AFF3: variants seen among roughly 807,000 people sequenced by gnomAD.
AFF3 encodes ALF transcription elongation factor 3, also known as AF4/FMR2 family member 3.
AFF3 carries 32 observed loss-of-function variants against 129.7 expected under a neutral mutation model. The ratio of observed to expected loss-of-function variants is 0.25; its 90% CI spans 0.19 to 0.33. The LOEUF is 0.33. AFF3 is among the 10% of genes least tolerant of loss of function. The probability of loss-of-function intolerance (pLI) is 1.00; values close to 1 mark genes in which losing one functional copy is unlikely to be tolerated. For synonymous variants in AFF3, 644 were observed against 635.4 expected (o/e 1.01, Z -0.20); for missense variants, 1,373 against 1,592.0 (o/e 0.86, Z 2.34).
intron 11 of AFF3, among the ~76,000 whole-genome samples, chr2:99,680,994 T>C (rs34662503): frequency 0.17 from 26,189 of 152,238 alleles, 2,727 homozygotes; most frequent in South Asian, 0.26. Flanking sequence ...AAATTATTGA[T>C]GCCCAGCTCC....
At chr2:99,804,705 T>C (rs941095511) in intron 8 of AFF3, among the ~76,000 whole-genome samples, 2 of 151,950 alleles carry the variant, frequency 1.3e-5, no homozygotes, top group Non-Finnish European at 2.9e-5. Flanking sequence ...AACTGATGAG[T>C]GGATAAAGAA....
At chr2:99,992,359 T>C (rs1277552457) in intron 7 of AFF3, among the ~76,000 whole-genome samples, 1 of 152,190 alleles carries the variant, frequency 6.6e-6, no homozygotes, top group African/African-American at 2.4e-5. Flanking sequence ...TTAATCCATT[T>C]CAGGCTTAAC....
intron 7 of AFF3, among the ~76,000 whole-genome samples, chr2:100,003,717 T>A (rs181433221): frequency 2.6e-5 from 4 of 152,132 alleles, no homozygotes; most frequent in Admixed American, 2.6e-4. Flanking sequence ...AGGGTGCAGA[T>A]GTTGTAAGGG....
At chr2:100,094,281 C>T (rs1690105995) in intron 4 of AFF3, among the ~76,000 whole-genome samples, 1 of 151,982 alleles carries the variant, frequency 6.6e-6, no homozygotes, top group African/African-American at 2.4e-5. Flanking sequence ...TTATACAACT[C>T]ACCATAATGT....
At chr2:99,618,475 A>G (rs1449443663) in intron 13 of AFF3, among the ~76,000 whole-genome samples, 2 of 152,018 alleles carry the variant, frequency 1.3e-5, no homozygotes, top group Non-Finnish European at 2.9e-5. Context: ...ACCTCAGGTG[A>G]TCTGCCTGCC....
chr2:99,578,578 GA>G, intron 17 of AFF3, 127 bp from the exon 18 acceptor site: 1 of 1,393,194 alleles, frequency 7.2e-7, no homozygotes, highest in Admixed American at 2.8e-5. Flanking sequence ...TATTAGAATT[GA>G]TGGTGATTTT....
At chr2:100,115,833 T>G (rs1691714138) in intron 2 of AFF3, among the ~76,000 whole-genome samples, 1 of 152,198 alleles carries the variant, frequency 6.6e-6, no homozygotes, top group Non-Finnish European at 1.5e-5. Flanking sequence ...ATGTTTATAA[T>G]TGAAGGGTAT....
At chr2:99,829,055 A>C (rs1158395033) in intron 8 of AFF3, among the ~76,000 whole-genome samples, 1 of 152,220 alleles carries the variant, frequency 6.6e-6, no homozygotes, top group Non-Finnish European at 1.5e-5. Context: ...GCTAATTTTG[A>C]TATAAACAAG....
intron 4 of AFF3, among the ~76,000 whole-genome samples, chr2:100,054,746 A>G (rs937184515): frequency 1.3e-5 from 2 of 152,162 alleles, no homozygotes; most frequent in African/African-American, 4.8e-5. Flanking sequence ...TACAATCCCC[A>G]AAGATGAACT....
intron 13 of AFF3, among the ~76,000 whole-genome samples, chr2:99,626,407 C>T (rs1682561017): frequency 1.6e-5 from 2 of 127,456 alleles, no homozygotes; most frequent in Non-Finnish European, 3.3e-5. Flanking sequence ...CCCTTCCCTT[C>T]CCTCCCCTCC....
At chr2:100,020,152 A>T (rs1386320414) in intron 4 of AFF3, among the ~76,000 whole-genome samples, 3 of 151,960 alleles carry the variant, frequency 2.0e-5, no homozygotes, top group African/African-American at 7.3e-5. Flanking sequence ...GCCAGGCTTC[A>T]ACTTCCTCAT....
In AFF3 at chr2:99,700,930, T is replaced by C. The variant is rs181854768; in HGVS notation, c.1091+26147A>G. Among the ~76,000 whole-genome samples, 794 of 152,278 alleles carry C rather than the reference T, an allele frequency of 5.2e-3. 4 individuals carry two copies. The highest frequency in any genetic ancestry group is 9.3e-3 in the Non-Finnish European group (635 of 68,022). ...CCTCCTCGGAGTGAGCGTGAGACGGTCACGTGTACTCAGGGATTGAGGAGG... is the reference window on the plus strand; with the variant it reads ...CCTCCTCGGAGTGAGCGTGAGACGGCCACGTGTACTCAGGGATTGAGGAGG... On this transcript the variant is annotated intron_variant, in intron 11 of 24. Transcript: ENST00000672756.
At chr2:99,589,397 A>ATTTTTTT (rs55888825) in intron 15 of AFF3, among the ~76,000 whole-genome samples, 7 of 103,380 alleles carry the variant, frequency 6.8e-5, no homozygotes, top group Non-Finnish European at 7.4e-5. Flanking sequence ...AGATGTCAAC[A>ATTTTTTT]TTTTTTTTTT....
chr2:99,964,111 C>G (rs1442663683), intron 7 of AFF3, among the ~76,000 whole-genome samples: 2 of 151,894 alleles, frequency 1.3e-5, no homozygotes, highest in African/African-American at 2.4e-5. Context: ...AACAGGGCCT[C>G]AAAAATTGAT....
At chr2:99,601,287 G>A (rs1679800877) in intron 14 of AFF3, 148 bp downstream of exon 14, 2 of 927,808 alleles carry the variant, frequency 2.2e-6, no homozygotes, top group East Asian at 6.3e-5. Context: ...GGAGCCCGAA[G>A]CCCATAGCCT....
intron 7 of AFF3, among the ~76,000 whole-genome samples, chr2:99,953,805 G>A (rs538641502): frequency 1.1e-4 from 17 of 152,196 alleles, no homozygotes; most frequent in South Asian, 2.1e-4. Flanking sequence ...CATGAGGGAC[G>A]GTGAGGGATG....
At chr2:100,068,674 A>G (rs905457551) in intron 4 of AFF3, among the ~76,000 whole-genome samples, 3 of 152,244 alleles carry the variant, frequency 2.0e-5, no homozygotes, top group Non-Finnish European at 4.4e-5. Flanking sequence ...CCTCATCCAT[A>G]GCAAGGAACA....
intron 7 of AFF3, among the ~76,000 whole-genome samples, chr2:99,857,131 ATTTAT>A (rs1690588498): frequency 6.6e-6 from 1 of 152,144 alleles, no homozygotes; most frequent in African/African-American, 2.4e-5. Flanking sequence ...TCAAATGAAT[ATTTAT>A]TTTCTTACAG....
intron 7 of AFF3, among the ~76,000 whole-genome samples, chr2:99,845,003 TAAG>T (rs1689622769): frequency 6.6e-6 from 1 of 152,022 alleles, no homozygotes; most frequent in Non-Finnish European, 1.5e-5. Flanking sequence ...CTAAACTTTA[TAAG>T]AATAATGCCG....
Sources: allele counts gnomAD v4.1 joint callset (sites outside exome capture counted in the v4.1 genomes callset), GRCh38; gene constraint gnomAD v4.1.1; transcripts MANE v1.5; gene names NCBI Gene and HGNC (gene_info 2026-07-23, HGNC 2026-07-21).